GRID2: variants seen among roughly 807,000 people sequenced by gnomAD.
The protein encoded by GRID2 is glutamate receptor ionotropic, delta-2.
In GRID2, 33 loss-of-function variants were observed where a neutral mutation model predicts 114.8. That is an observed-to-expected ratio of 0.29 (90% CI 0.22 to 0.38). GRID2 has a LOEUF of 0.38. Ranked by LOEUF, GRID2 falls within the 10% of genes least tolerant of loss-of-function variation. The pLI is 1.00. For missense variants in GRID2, 1,184 were observed against 1,257.7 expected, an observed-to-expected ratio of 0.94 and a Z score of 0.89; for synonymous variants, 505 against 449.9, an observed-to-expected ratio of 1.12 and a Z score of -1.55.
Position 92,794,874 on chromosome 4 carries a change from TTATATATA to T in GRID2, c.244+204613_244+204620del, listed in dbSNP as rs34559735. Among the ~76,000 whole-genome samples, 14 of 106,052 alleles carry T rather than the reference TTATATATA, an allele frequency of 1.3e-4. 1 individual carries two copies. The highest frequency in any genetic ancestry group is 4.6e-4 in the African/African-American group (11 of 23,984). 69.6% of individuals were successfully genotyped at this position (106,052 alleles called of 152,430 possible). On this transcript the variant is annotated intron_variant, in intron 2 of 15. Coordinates refer to ENST00000282020, the MANE Select transcript of GRID2 (RefSeq NM_001510.4). Reference sequence around the variant, plus strand: ...CAGAGTCATTTAATAAATAATTGTTTTATATATATATATATATATATATATATATATAC... The same window carrying T: ...CAGAGTCATTTAATAAATAATTGTTTTATATATATATATATATATATATAC...
intron 2 of GRID2, among the ~76,000 whole-genome samples, chr4:92,875,538 T>C (rs1178266452): frequency 6.6e-6 from 1 of 152,172 alleles, no homozygotes; most frequent in East Asian, 1.9e-4. Context: ...GGAGTGAACA[T>C]CTGGAAATGT....
intron 5 of GRID2, among the ~76,000 whole-genome samples, chr4:93,208,269 T>C (rs1743043267): frequency 6.6e-6 from 1 of 152,028 alleles, no homozygotes; most frequent in South Asian, 2.1e-4. Flanking sequence ...CCTGGTTTTA[T>C]AGTCAGCAAG....
intron 11 of GRID2, among the ~76,000 whole-genome samples, chr4:93,468,482 G>T (rs1362984073): frequency 6.6e-6 from 1 of 152,186 alleles, no homozygotes; most frequent in Non-Finnish European, 1.5e-5. Flanking sequence ...TTTTCAATTT[G>T]TTGCAGTAAG....
At position 92,652,819 on chromosome 4, in the gene GRID2, ATATAAATATATATAAATT is replaced by A. The variant is rs1390934558; in HGVS notation, c.244+62548_244+62565del. On this transcript the variant is annotated intron_variant, in intron 2 of 15. Coordinates refer to ENST00000282020, the MANE Select transcript of GRID2 (RefSeq NM_001510.4). ...GGTGAAAAAAAAAATATATATATATATATAAATATATATAAATTTATAAATATATATATAATATATAAA... is the reference window on the plus strand; with the variant it reads ...GGTGAAAAAAAAAATATATATATATATATAAATATATATATAATATATAAA... Among the ~76,000 whole-genome samples the A allele has an allele frequency of 2.2e-5, 3 of 138,846 alleles. 1 individual carries two copies. Among genetic ancestry groups the A allele is most frequent in the African/African-American group, 5.2e-5 (2 of 38,140 alleles). 91.1% of individuals were successfully genotyped at this position (138,846 alleles called of 152,430 possible).
intron 2 of GRID2, among the ~76,000 whole-genome samples, chr4:92,857,386 A>C (rs1744247583): frequency 6.6e-6 from 1 of 152,174 alleles, no homozygotes; most frequent in African/African-American, 2.4e-5. Context: ...GTGTGTTCTT[A>C]AAGGAAATGA....
At chr4:92,791,072 A>G (rs1412474963) in intron 2 of GRID2, among the ~76,000 whole-genome samples, 2 of 151,816 alleles carry the variant, frequency 1.3e-5, no homozygotes, top group African/African-American at 2.4e-5. Context: ...TGCTTAGTTT[A>G]ATGCTGATTC....
rs112763953 is a variant in GRID2, at chr4:92,949,132, A to ATG, written c.245-135845_245-135844dup. 2.3e-3 allele frequency among the ~76,000 whole-genome samples: 346 copies of ATG among 149,386 alleles called. 3 individuals are homozygous for ATG. Among genetic ancestry groups the ATG allele is most frequent in the African/African-American group, 6.2e-3 (253 of 40,856 alleles). On this transcript the variant is annotated intron_variant, in intron 2 of 15. Coordinates refer to ENST00000282020, the MANE Select transcript of GRID2 (RefSeq NM_001510.4). The stretch of plus-strand genomic sequence containing the variant: ...CTTGTTATACAATTAGACAAAGAAA[A>ATG]TGTGTGTGTGTGTGTGTGTCTGTGT...
At chr4:92,388,227 G>A (rs1191993824) in intron 1 of GRID2, among the ~76,000 whole-genome samples, 1 of 152,024 alleles carries the variant, frequency 6.6e-6, no homozygotes, top group African/African-American at 2.4e-5. Context: ...TTATGTAGGT[G>A]GAGGGGTTTT....
intron 1 of GRID2, among the ~76,000 whole-genome samples, chr4:92,384,603 TATATA>T (rs1729828921): frequency 3.8e-5 from 2 of 52,354 alleles, no homozygotes; most frequent in African/African-American, 1.4e-4. Flanking sequence ...TATAACATAA[TATATA>T]ATATATGTTA....
chr4:92,920,405 T>C (rs1044495517), intron 2 of GRID2, among the ~76,000 whole-genome samples: 2 of 152,324 alleles, frequency 1.3e-5, no homozygotes, highest in African/African-American at 4.8e-5. Context: ...GTTAGCTGGT[T>C]ATTTTGCTCA....
At chr4:92,791,248 G>T (rs1436476829) in intron 2 of GRID2, among the ~76,000 whole-genome samples, 1 of 151,444 alleles carries the variant, frequency 6.6e-6, no homozygotes, top group East Asian at 2.0e-4. Context: ...GTCTCAAGAG[G>T]TTTAGATTCA....
At chr4:92,637,464 G>A (rs998341945) in intron 2 of GRID2, among the ~76,000 whole-genome samples, 1 of 151,966 alleles carries the variant, frequency 6.6e-6, no homozygotes, top group Admixed American at 6.6e-5. Context: ...TTAAATACTT[G>A]GAGTTGTATT....
chr4:92,360,266 A>G (rs568447591), intron 1 of GRID2, among the ~76,000 whole-genome samples: 36 of 151,998 alleles, frequency 2.4e-4, no homozygotes, highest in African/African-American at 8.2e-4. Context: ...TGTTGGAGGT[A>G]ACTGTGCCCT....
At chr4:93,616,933 C>G (rs1260346326) in intron 13 of GRID2, among the ~76,000 whole-genome samples, 6 of 150,312 alleles carry the variant, frequency 4.0e-5, no homozygotes, top group African/African-American at 1.5e-4. Flanking sequence ...GTGGAGCTTG[C>G]GTGAGCTAAG....
intron 2 of GRID2, among the ~76,000 whole-genome samples, chr4:92,659,213 G>A (rs776930287): frequency 6.6e-6 from 1 of 151,662 alleles, no homozygotes; most frequent in African/African-American, 2.4e-5. Flanking sequence ...ATGAGTGTTA[G>A]CACCTTCAAA....
downstream of GRID2, among the ~76,000 whole-genome samples, chr4:93,777,355 T>C (rs1432969818): frequency 6.6e-6 from 1 of 152,188 alleles, no homozygotes; most frequent in East Asian, 1.9e-4. Context: ...AAAACAAAAA[T>C]TGTTCACATT....
chr4:92,442,275 C>T (rs111826995), intron 1 of GRID2, among the ~76,000 whole-genome samples: 10 of 152,056 alleles, frequency 6.6e-5, no homozygotes, highest in East Asian at 1.9e-4. Flanking sequence ...GACAGCCTTG[C>T]GCCAGAGTTC....
chr4:92,919,740 G>T (rs564313027), intron 2 of GRID2, among the ~76,000 whole-genome samples: 71 of 152,104 alleles, frequency 4.7e-4, no homozygotes, highest in East Asian at 3.7e-3. Context: ...TTTCTGTTCT[G>T]TTACATTTGC....
At chr4:93,270,319 T>G (rs1751312276) in intron 8 of GRID2, among the ~76,000 whole-genome samples, 1 of 151,842 alleles carries the variant, frequency 6.6e-6, no homozygotes, top group Non-Finnish European at 1.5e-5. Context: ...AAGTTTAAGT[T>G]GTAGCAATAA....
Sources: gnomAD v4.1 joint callset for allele counts (sites outside exome capture counted in the v4.1 genomes callset) on GRCh38, gnomAD v4.1.1 for gene constraint, MANE v1.5 for transcripts, NCBI Gene and HGNC (gene_info 2026-07-23, HGNC 2026-07-21) for gene names.